The following ENOSF1 variants were observed in gnomAD, a reference collection of about 807,000 sequenced individuals.
ENOSF1 encodes mitochondrial enolase superfamily member 1.
In ENOSF1, 73 loss-of-function variants were observed where a neutral mutation model predicts 68.2. The observed-to-expected ratio is 1.07, with a 90% CI of 0.89 to 1.30. The LOEUF (loss-of-function observed/expected upper bound fraction) is 1.30. Ranked by LOEUF, ENOSF1 falls within the 50% of genes most tolerant of loss-of-function variation. The probability of loss-of-function intolerance (pLI) is 0.00; values close to 1 mark genes in which losing one functional copy is unlikely to be tolerated. For synonymous variants in ENOSF1, 223 were observed against 210.4 expected, an observed-to-expected ratio of 1.06 and a Z score of -0.52; for missense variants, 589 against 554.5, an observed-to-expected ratio of 1.06 and a Z score of -0.62.
At chr18:701,116 G>T (rs1029226145) in intron 2 of ENOSF1, among the ~76,000 whole-genome samples, 7 of 151,884 alleles carry the variant, frequency 4.6e-5, no homozygotes, top group Non-Finnish European at 8.8e-5. Flanking sequence ...AAGTAAGAGT[G>T]GTGTCATAAA....
At position 675,357 on chromosome 18, in the gene ENOSF1, G is replaced by A. The variant is rs748359200; in HGVS notation, c.1194C>T (p.Pro398=). ...VDHLHEHFKY[P]VMIQRASYMP... Reference sequence around the variant, plus strand: ...TGTAGGAAGCCCGCTGGATCATCACGGGATACTTGAAATGCTCATGCAGGT... The same window carrying A: ...TGTAGGAAGCCCGCTGGATCATCACAGGATACTTGAAATGCTCATGCAGGT... The change falls in exon 15 of 16, where the codon CCC becomes CCT. Residue 398 remains proline, a synonymous_variant. Coordinates refer to ENST00000647584, the MANE Select transcript of ENOSF1 (RefSeq NM_017512.7). 58 of 1,612,812 alleles carry A rather than the reference G, an allele frequency of 3.6e-5. No individual in the cohort carries two copies. The highest frequency in any genetic ancestry group is 5.3e-5 in the African/African-American group (4 of 74,902).
At chr18:708,679 C>G (rs550365481) in intron 1 of ENOSF1, among the ~76,000 whole-genome samples, 1 of 151,810 alleles carries the variant, frequency 6.6e-6, no homozygotes, top group Non-Finnish European at 1.5e-5. Flanking sequence ...GTGAGCTGGC[C>G]GGTCAAGGAA....
intron 10 of ENOSF1, 146 bp downstream of exon 10, chr18:685,775 T>C: frequency 1.5e-6 from 1 of 656,418 alleles, no homozygotes; most frequent in Non-Finnish European, 2.7e-6. Flanking sequence ...TTATTTTTGT[T>C]TGAGCTCGCC....
intron 3 of ENOSF1, among the ~76,000 whole-genome samples, chr18:694,804 T>C (rs1233722034): frequency 7.5e-6 from 1 of 134,108 alleles, no homozygotes; most frequent in African/African-American, 2.7e-5. Context: ...TTTTCCTCTC[T>C]TCTTTCTCTC....
intron 3 of ENOSF1, among the ~76,000 whole-genome samples, chr18:696,369 G>A (rs949706923): frequency 1.3e-5 from 2 of 151,810 alleles, no homozygotes; most frequent in East Asian, 1.9e-4. Context: ...CCGCCACCAT[G>A]CCCGGCTAAT....
chr18:684,996 A>AT (rs996421981), intron 10 of ENOSF1, among the ~76,000 whole-genome samples: 10 of 149,652 alleles, frequency 6.7e-5, no homozygotes, highest in Non-Finnish European at 1.5e-4. Context: ...AGTAGGAGGG[A>AT]TTACAGACAT....
At chr18:697,719 C>A (rs1568107024) in intron 2 of ENOSF1, among the ~76,000 whole-genome samples, 1 of 152,226 alleles carries the variant, frequency 6.6e-6, no homozygotes. Context: ...CCACTGCACT[C>A]CAGCCTGGGC....
Position 674,416 on chromosome 18 carries a change from A to C in ENOSF1, c.1231-10T>G, listed in dbSNP as rs1323540812. 1 of 1,593,216 alleles carries C rather than the reference A, an allele frequency of 6.3e-7. No individual in the cohort carries two copies. Among genetic ancestry groups the C allele is most frequent in the Admixed American group, 1.8e-5 (1 of 57,024 alleles). The stretch of plus-strand genomic sequence containing the variant: ...TTGAGTAGCCGGGATCCTATCAAAG[A>C]CCAAAAAAATGAGTCCTGTTAACAA... On this transcript the variant is annotated splice_polypyrimidine_tract_variant and intron_variant, in intron 15 of 15. Coordinates refer to ENST00000647584, the MANE Select transcript of ENOSF1 (RefSeq NM_017512.7).
At chr18:700,155 T>G (rs1374119781) in intron 2 of ENOSF1, among the ~76,000 whole-genome samples, 1 of 152,212 alleles carries the variant, frequency 6.6e-6, no homozygotes, top group Non-Finnish European at 1.5e-5. Flanking sequence ...CTCGGATGAT[T>G]GCACACTTTA....
At chr18:693,680 G>A in intron 5 of ENOSF1, 4 of 985,368 alleles carry the variant, frequency 4.1e-6, no homozygotes, top group Non-Finnish European at 4.8e-6. Context: ...TTCCCCTCAT[G>A]CCACCCTGCC....
chr18:666,925 G>GA (rs1555639526), downstream of ENOSF1, among the ~76,000 whole-genome samples: 1 of 64,596 alleles, frequency 1.5e-5, no homozygotes, highest in African/African-American at 5.1e-5. Flanking sequence ...TGATGGAGAT[G>GA]GTGATGGTGA....
intron 5 of ENOSF1, 115 bp from the exon 6 acceptor site, chr18:691,391 G>T: frequency 2.4e-6 from 2 of 837,204 alleles, no homozygotes; most frequent in Non-Finnish European, 3.7e-6. Context: ...TGTTGCCCAG[G>T]CTGGAGTGCA....
At chr18:692,947 T>C (rs967388798) in intron 5 of ENOSF1, 2 of 1,172,434 alleles carry the variant, frequency 1.7e-6, no homozygotes, top group African/African-American at 3.2e-5. Context: ...TCCTTAATTT[T>C]TTGCCAACTA....
rs2075034215 is a variant in ENOSF1, at chr18:671,248, A to G, written c.*3057T>C. The G allele has an allele frequency of 1.4e-6, 1 of 713,928 alleles. No homozygotes were observed. Among genetic ancestry groups the G allele is most frequent in the Admixed American group, 2.4e-5 (1 of 41,828 alleles). 44.2% of individuals were successfully genotyped at this position (713,928 alleles called of 1,614,324 possible). On this transcript the variant is annotated 3_prime_UTR_variant, in exon 16 of 16. Coordinates refer to ENST00000647584, the MANE Select transcript of ENOSF1 (RefSeq NM_017512.7). Reference sequence around the variant, plus strand: ...CATAACAAGATGCTGTTGCTACAAAAAAATGGAAAAGCTACACTAAATTAT... The same window carrying G: ...CATAACAAGATGCTGTTGCTACAAAGAAATGGAAAAGCTACACTAAATTAT...
intron 14 of ENOSF1, among the ~76,000 whole-genome samples, chr18:676,940 T>C (rs1270185597): frequency 2.6e-5 from 4 of 152,282 alleles, no homozygotes; most frequent in South Asian, 2.1e-4. Flanking sequence ...TGGAAGGAGA[T>C]TGTCCTAATT....
At chr18:680,794 C>T (rs2076003883) in intron 11 of ENOSF1, among the ~76,000 whole-genome samples, 1 of 151,264 alleles carries the variant, frequency 6.6e-6, no homozygotes, top group African/African-American at 2.4e-5. Context: ...CATTCTCCTG[C>T]CTCAGCCTCC....
intron 8 of ENOSF1, 86 bp downstream of exon 8, chr18:690,463 C>A (rs905102809): frequency 1.8e-5 from 26 of 1,445,122 alleles, no homozygotes; most frequent in Non-Finnish European, 2.4e-5. Context: ...AAGTGAGGTA[C>A]TGAGAGTAGT....
At chr18:678,861 A>G in intron 11 of ENOSF1, 124 bp from the exon 12 acceptor site, 1 of 971,822 alleles carries the variant, frequency 1.0e-6, no homozygotes, top group South Asian at 1.4e-5. Flanking sequence ...AAGGCTCAAG[A>G]CTGGCAAAGG....
At chr18:676,619 C>A (rs1321348012) in intron 14 of ENOSF1, among the ~76,000 whole-genome samples, 5 of 152,142 alleles carry the variant, frequency 3.3e-5, no homozygotes, top group Admixed American at 6.5e-5. Flanking sequence ...ATAAATTACC[C>A]AGTCTCAGGT....
Sources: allele counts gnomAD v4.1 joint callset (sites outside exome capture counted in the v4.1 genomes callset), GRCh38; gene constraint gnomAD v4.1.1; transcripts MANE v1.5; gene names NCBI Gene and HGNC (gene_info 2026-07-23, HGNC 2026-07-21).